Variants in MAD1L1 observed in about 807,000 individuals in gnomAD.
MAD1L1 encodes mitotic spindle assembly checkpoint protein MAD1.
Under a neutral mutation model 96.9 loss-of-function variants are expected in MAD1L1, and 95 were observed. The ratio of observed to expected loss-of-function variants is 0.98; its 90% CI spans 0.83 to 1.16. The LOEUF (loss-of-function observed/expected upper bound fraction) is 1.16. MAD1L1 is among the 50% of genes most tolerant of loss of function. MAD1L1 has a pLI of 0.00. For synonymous variants in MAD1L1, 473 were observed against 396.6 expected (o/e 1.19, Z -2.29); for missense variants, 1,007 against 954.4 (o/e 1.06, Z -0.73).
At chr7:2,001,530 C>A (rs558458665) in intron 14 of MAD1L1, among the ~76,000 whole-genome samples, 1 of 152,364 alleles carries the variant, frequency 6.6e-6, no homozygotes, top group East Asian at 1.9e-4. Flanking sequence ...GAGAGTGGGG[C>A]CCATGTGGGC....
chr7:2,052,531 CAGGGAGGGCA>C (rs1000200320), intron 12 of MAD1L1, among the ~76,000 whole-genome samples: 2 of 152,024 alleles, frequency 1.3e-5, no homozygotes, highest in African/African-American at 4.8e-5. Flanking sequence ...GCACGGTGCC[CAGGGAGGGCA>C]CCTGACAGCT....
intron 10 of MAD1L1, among the ~76,000 whole-genome samples, chr7:2,172,906 C>T (rs752025371): frequency 7.2e-5 from 11 of 152,220 alleles, no homozygotes; most frequent in Non-Finnish European, 1.0e-4. Context: ...GCGGTCTGTG[C>T]GCACAGAAGA....
In MAD1L1 at chr7:2,036,278, G is replaced by A. The variant is rs1265005022; in HGVS notation, c.1219-21636C>T. Reference sequence around the variant, plus strand: ...ACTGACAAGTCGGGACAGAGCTGGGGTCCAGGCTCCCAGGCATGAGCGCGG... The same window carrying A: ...ACTGACAAGTCGGGACAGAGCTGGGATCCAGGCTCCCAGGCATGAGCGCGG... On this transcript the variant is annotated intron_variant, in intron 12 of 18. Transcript: ENST00000265854. 3.3e-5 allele frequency among the ~76,000 whole-genome samples: 4 copies of A among 122,352 alleles called. No homozygotes were observed. The East Asian group carries it at 1.0e-3, about 31-fold the overall frequency. 80.3% of individuals were successfully genotyped at this position (122,352 alleles called of 152,430 possible).
intron 12 of MAD1L1, among the ~76,000 whole-genome samples, chr7:2,063,391 A>G (rs1209168620): frequency 1.3e-5 from 2 of 152,240 alleles, no homozygotes; most frequent in Non-Finnish European, 2.9e-5. Flanking sequence ...TTTGAAATAA[A>G]GGCAAGCCAG....
intron 18 of MAD1L1, among the ~76,000 whole-genome samples, chr7:1,895,098 A>G (rs534452931): frequency 2.1e-4 from 32 of 152,314 alleles, no homozygotes; most frequent in Admixed American, 5.2e-4. Context: ...GGCTTCCTGG[A>G]GAAGGTGTCT....
At chr7:1,817,901 T>A (rs1363359447) in intron 18 of MAD1L1, among the ~76,000 whole-genome samples, 1 of 151,918 alleles carries the variant, frequency 6.6e-6, no homozygotes, top group Admixed American at 6.6e-5. Context: ...CTCACCACCT[T>A]TGGAGCACGT....
intron 10 of MAD1L1, among the ~76,000 whole-genome samples, chr7:2,160,718 C>T (rs937884435): frequency 2.0e-5 from 3 of 152,058 alleles, no homozygotes; most frequent in African/African-American, 4.8e-5. Flanking sequence ...CTGGAATCTC[C>T]GCTCTCCTGC....
chr7:2,109,137 C>T (rs968595838), intron 11 of MAD1L1, among the ~76,000 whole-genome samples: 1 of 152,262 alleles, frequency 6.6e-6, no homozygotes, highest in Non-Finnish European at 1.5e-5. Context: ...ACAGGCCCTG[C>T]CTGTGGGCCC....
At chr7:2,083,454 T>G (rs1237712808) in intron 11 of MAD1L1, among the ~76,000 whole-genome samples, 1 of 152,208 alleles carries the variant, frequency 6.6e-6, no homozygotes, top group Non-Finnish European at 1.5e-5. Context: ...CTTCTTGGCT[T>G]ACACAGCACG....
At chr7:1,831,593 GCTAGGTCT>G (rs1782706338) in intron 18 of MAD1L1, among the ~76,000 whole-genome samples, 1 of 152,236 alleles carries the variant, frequency 6.6e-6, no homozygotes, top group Non-Finnish European at 1.5e-5. Flanking sequence ...GAGGCCAAAA[GCTAGGTCT>G]CTTGCACCAC....
chr7:1,875,650 G>A (rs1225516969), intron 18 of MAD1L1, among the ~76,000 whole-genome samples: 1 of 152,236 alleles, frequency 6.6e-6, no homozygotes, highest in Non-Finnish European at 1.5e-5. Flanking sequence ...CAGGAACCCC[G>A]GGAGGTATAA....
At chr7:2,225,347 C>T in intron 4 of MAD1L1, 63 bp downstream of exon 4, 2 of 1,584,656 alleles carry the variant, frequency 1.3e-6, no homozygotes, top group Non-Finnish European at 8.6e-7. Context: ...CTGGCAGGTA[C>T]CGTGCACAGC....
chr7:2,151,496 C>G (rs375382972), intron 10 of MAD1L1, among the ~76,000 whole-genome samples: 1 of 152,222 alleles, frequency 6.6e-6, no homozygotes, highest in African/African-American at 2.4e-5. Flanking sequence ...TGGGATGGTT[C>G]TCTCTCACCA....
At chr7:2,064,978 G>A (rs1050569929) in intron 12 of MAD1L1, among the ~76,000 whole-genome samples, 2 of 152,130 alleles carry the variant, frequency 1.3e-5, no homozygotes, top group Non-Finnish European at 2.9e-5. Flanking sequence ...CGGGAGGATG[G>A]TGGCTTCTTC....
At chr7:1,864,186 C>T (rs1784664022) in intron 18 of MAD1L1, among the ~76,000 whole-genome samples, 1 of 152,206 alleles carries the variant, frequency 6.6e-6, no homozygotes, top group African/African-American at 2.4e-5. Context: ...CCAGGGTCTC[C>T]AGGAGGGTCA....
chr7:2,086,372 A>G (rs1482701290), intron 11 of MAD1L1, among the ~76,000 whole-genome samples: 1 of 152,210 alleles, frequency 6.6e-6, no homozygotes, highest in Non-Finnish European at 1.5e-5. Context: ...TGGCATGGTA[A>G]TTAGGGGAAG....
chr7:2,059,148 T>C (rs111211065), intron 12 of MAD1L1, among the ~76,000 whole-genome samples: 69 of 87,206 alleles, frequency 7.9e-4, no homozygotes, highest in Middle Eastern at 8.5e-3. Flanking sequence ...GGAGAGGGAG[T>C]GTGGCCAGAG....
At chr7:2,130,670 G>A (rs1788470088) in intron 11 of MAD1L1, among the ~76,000 whole-genome samples, 1 of 152,248 alleles carries the variant, frequency 6.6e-6, no homozygotes, top group South Asian at 2.1e-4. Context: ...GAAGCTGGGA[G>A]CGTGTCCGCG....
At chr7:2,060,157 C>T (rs1022086455) in intron 12 of MAD1L1, among the ~76,000 whole-genome samples, 12 of 142,982 alleles carry the variant, frequency 8.4e-5, no homozygotes, top group African/African-American at 3.2e-4. Flanking sequence ...CAAGATACGC[C>T]GAAGCCGAGA....
Sources: gnomAD v4.1 joint callset for allele counts (sites outside exome capture counted in the v4.1 genomes callset) on GRCh38, gnomAD v4.1.1 for gene constraint, MANE v1.5 for transcripts, NCBI Gene and HGNC (gene_info 2026-07-23, HGNC 2026-07-21) for gene names.